SMC5: variants seen among roughly 807,000 people sequenced by gnomAD.
SMC5 encodes structural maintenance of chromosomes protein 5.
In SMC5, 88 loss-of-function variants were observed where a neutral mutation model predicts 148.3. That is an observed-to-expected ratio of 0.59 (90% CI 0.50 to 0.71). The LOEUF is 0.71. Ranked by LOEUF, SMC5 falls within the 30% of genes least tolerant of loss-of-function variation. SMC5 has a pLI of 0.00. For synonymous variants in SMC5, 421 were observed against 432.8 expected, an observed-to-expected ratio of 0.97 and a Z score of 0.34; for missense variants, 1,142 against 1,298.9, an observed-to-expected ratio of 0.88 and a Z score of 1.86.
intron 17 of SMC5, among the ~76,000 whole-genome samples, chr9:70,339,679 G>C (rs2036465899): frequency 6.6e-6 from 1 of 152,126 alleles, no homozygotes; most frequent in Admixed American, 6.5e-5. Flanking sequence ...CTACCACTTG[G>C]TTTTGTCCTT....
chr9:70,323,725 G>A (rs1030624126), intron 16 of SMC5, 119 bp downstream of exon 16: 2 of 1,149,766 alleles, frequency 1.7e-6, no homozygotes, highest in African/African-American at 1.6e-5. Context: ...AGTTATATAA[G>A]CAAGAGATCT....
At chr9:70,297,464 T>C (rs2035231981) in intron 8 of SMC5, among the ~76,000 whole-genome samples, 1 of 152,208 alleles carries the variant, frequency 6.6e-6, no homozygotes. Flanking sequence ...TTCTGGGTAA[T>C]TTGTGGTGTC....
rs1193061448 is a variant in SMC5, at chr9:70,353,150, AT to A, written c.*823del. On this transcript the variant is annotated 3_prime_UTR_variant, in exon 25 of 25. Transcript: ENST00000361138. ...TTTTACATCTTACATTTCTAAAAGC[AT>A]TTTATAATTATTTTTAGTAAGATTT... is the stretch of plus-strand genomic sequence containing the variant. 6.6e-6 allele frequency: 1 copy of A among 152,082 alleles called. No individual in the cohort carries two copies. The highest frequency in any genetic ancestry group is 1.5e-5 in the Non-Finnish European group (1 of 68,004). The allele number at this position is 152,082 out of a possible 1,614,324, so 9.4% of individuals were successfully genotyped here.
chr9:70,308,086 C>G (rs1013550936), intron 11 of SMC5, among the ~76,000 whole-genome samples: 2 of 152,068 alleles, frequency 1.3e-5, no homozygotes, highest in Admixed American at 6.6e-5. Flanking sequence ...CATGCAAACC[C>G]TTATGTCTGT....
At chr9:70,297,681 G>T (rs1189265345) in intron 8 of SMC5, among the ~76,000 whole-genome samples, 3 of 152,032 alleles carry the variant, frequency 2.0e-5, no homozygotes, top group Non-Finnish European at 2.9e-5. Flanking sequence ...TTAGAAATCC[G>T]TTGGGCTTTT....
chr9:70,318,605 G>C lies in SMC5; in HGVS notation c.1898G>C (p.Ser633Thr), dbSNP rs1032000219. 6.2e-7 allele frequency: 1 copy of C among 1,612,990 alleles called. No homozygotes were observed. Residue 633 changes from serine to threonine, a missense_variant, in exon 14 of 25, where the codon AGT (serine) becomes ACT (threonine). Coordinates refer to ENST00000361138, the MANE Select transcript of SMC5 (RefSeq NM_015110.4). ...TSFYSNKVIS[S>T]NTSLKVAQFL... Reference sequence around the variant, plus strand: ...TTTTATTCAAACAAAGTTATTTCTAGTAACACATCTCTAAAAGTAGCGCAG... The same window carrying C: ...TTTTATTCAAACAAAGTTATTTCTACTAACACATCTCTAAAAGTAGCGCAG...
intron 17 of SMC5, among the ~76,000 whole-genome samples, chr9:70,329,225 C>T (rs1163403014): frequency 6.6e-6 from 1 of 152,210 alleles, no homozygotes; most frequent in Non-Finnish European, 1.5e-5. Context: ...CCTTGAATTC[C>T]TTCTCCGGGA....
At chr9:70,333,875 T>G (rs2036289126) in intron 17 of SMC5, among the ~76,000 whole-genome samples, 1 of 115,312 alleles carries the variant, frequency 8.7e-6, no homozygotes. Flanking sequence ...TCTTAAAATG[T>G]CATTTCTCTT....
intron 2 of SMC5, among the ~76,000 whole-genome samples, chr9:70,267,181 T>C (rs943152325): frequency 7.2e-5 from 11 of 152,178 alleles, no homozygotes; most frequent in African/African-American, 2.4e-4. Context: ...GCTTGATAAA[T>C]GTTAGCTGTT....
chr9:70,299,353 C>T (rs938575963), intron 9 of SMC5, among the ~76,000 whole-genome samples: 1 of 151,326 alleles, frequency 6.6e-6, no homozygotes, highest in Non-Finnish European at 1.5e-5. Context: ...TTTGCTTAAG[C>T]ATTTTCTTAA....
intron 3 of SMC5, among the ~76,000 whole-genome samples, chr9:70,268,576 A>G (rs1303105424): frequency 6.6e-6 from 1 of 151,950 alleles, no homozygotes; most frequent in African/African-American, 2.4e-5. Context: ...TGAAGTTGCA[A>G]TATTTTTCAC....
intron 17 of SMC5, among the ~76,000 whole-genome samples, chr9:70,325,579 T>A (rs7858389): frequency 0.22 from 32,757 of 152,084 alleles, 3,675 homozygotes; most frequent in South Asian, 0.28. Flanking sequence ...AACTAACTGA[T>A]ACTCCTTTGC....
chr9:70,305,816 T>A (rs2035480692), intron 11 of SMC5, among the ~76,000 whole-genome samples: 2 of 152,108 alleles, frequency 1.3e-5, no homozygotes, highest in African/African-American at 4.8e-5. Flanking sequence ...CCACTAAGAA[T>A]CTAAGCCACC....
At chr9:70,268,252 C>T (rs886107403) in intron 3 of SMC5, among the ~76,000 whole-genome samples, 4 of 152,106 alleles carry the variant, frequency 2.6e-5, no homozygotes, top group Non-Finnish European at 5.9e-5. Context: ...TGGAGACCAG[C>T]CTGACCAACA....
chr9:70,299,282 A>G (rs1157625702), intron 9 of SMC5, among the ~76,000 whole-genome samples: 1 of 152,008 alleles, frequency 6.6e-6, no homozygotes, highest in Non-Finnish European at 1.5e-5. Context: ...CAAGTTGTGC[A>G]TTATAATTAA....
At chr9:70,304,014 T>C (rs527625484) in intron 10 of SMC5, among the ~76,000 whole-genome samples, 1 of 152,322 alleles carries the variant, frequency 6.6e-6, no homozygotes, top group South Asian at 2.1e-4. Context: ...CTTCCAGAAG[T>C]AGCTTTTTCC....
At chr9:70,303,647 A>G (rs1450917266) in intron 10 of SMC5, among the ~76,000 whole-genome samples, 1 of 152,212 alleles carries the variant, frequency 6.6e-6, no homozygotes, top group Admixed American at 6.5e-5. Flanking sequence ...CTCTTAATCC[A>G]CATTTAGTTC....
Position 70,315,565 on chromosome 9 carries a change from A to G in SMC5, c.1793A>G (p.Glu598Gly). 1 of 1,583,148 alleles carries G rather than the reference A, an allele frequency of 6.3e-7. No individual in the cohort carries two copies. The highest frequency in any genetic ancestry group is 1.7e-4 in the Middle Eastern group (1 of 5,944). ...EVPVGTEKTR[E>G]RIERVIQETR... Reference sequence around the variant, plus strand: ...CCTGTAGGAACTGAAAAGACCAGAGAAAGAATTGAACGGGTAGGAAAGTAG... The same window carrying G: ...CCTGTAGGAACTGAAAAGACCAGAGGAAGAATTGAACGGGTAGGAAAGTAG... The change falls in exon 13 of 25, where the codon GAA (glutamate) becomes GGA (glycine). Residue 598 changes from glutamate (E) to glycine (G), a missense_variant. Physicochemically the swap from Glu to Gly is moderately conservative, Grantham distance 98. This residue lies in a region of SMC5 where 743 missense variants were observed against 835.7 expected (regional missense o/e 0.89). Coordinates refer to ENST00000361138, the MANE Select transcript of SMC5 (RefSeq NM_015110.4).
In SMC5 at chr9:70,344,840, C is replaced by T. The variant is rs78476411; in HGVS notation, c.2523+571C>T. Among the ~76,000 whole-genome samples the T allele has an allele frequency of 5.5e-4, 84 of 151,832 alleles. 1 individual carries two copies. The East Asian group carries it at 0.016, about 29-fold the overall frequency. ...CCTAGATACCTATTCAGAATAATGT[C>T]AAAATGAAATTAGAAAATAAGTTTT... On this transcript the variant is annotated intron_variant, in intron 18 of 24. Transcript: ENST00000361138.
Sources: gnomAD v4.1 joint callset for allele counts (sites outside exome capture counted in the v4.1 genomes callset) on GRCh38, gnomAD v4.1.1 for gene constraint, gnomAD v4.1.1 regional missense constraint, MANE v1.5 for transcripts, NCBI Gene and HGNC (gene_info 2026-07-23, HGNC 2026-07-21) for gene names.